The following USP30 variants were observed in gnomAD, a reference collection of about 807,000 sequenced individuals.
USP30 encodes ubiquitin carboxyl-terminal hydrolase 30.
USP30 carries 41 observed loss-of-function variants against 68.2 expected under a neutral mutation model. The ratio of observed to expected loss-of-function variants is 0.60; its 90% CI spans 0.47 to 0.78. The LOEUF is 0.78. Ranked by LOEUF, USP30 falls within the 30% of genes least tolerant of loss-of-function variation. The pLI is 0.00. For synonymous variants in USP30, 229 were observed against 253.7 expected (o/e 0.90, Z 0.93); for missense variants, 522 against 649.4 (o/e 0.80, Z 2.13).
chr12:109,048,205 C>G (rs2040623112), upstream of USP30, among the ~76,000 whole-genome samples: 1 of 151,782 alleles, frequency 6.6e-6, no homozygotes, highest in South Asian at 2.1e-4. Flanking sequence ...CCCACCTCAG[C>G]CTCCCAAGTA....
chr12:109,088,012 G>T lies in USP30; in HGVS notation c.*2081G>T, dbSNP rs1004490805. On this transcript the variant is annotated 3_prime_UTR_variant, in exon 13 of 13. Transcript: ENST00000257548. The surrounding 1 kb of genome is among the most constrained non-coding windows in gnomAD (Gnocchi z 4.2). The stretch of plus-strand genomic sequence containing the variant: ...ATTATAGCAATAAAATAATCATTTT[G>T]TTAGAAAAAAATCACCTGGTGTTCT... 43 of 494,260 alleles carry T rather than the reference G, an allele frequency of 8.7e-5. No individual in the cohort carries two copies. The highest frequency in any genetic ancestry group is 7.3e-4 in the African/African-American group (38 of 51,754). 30.6% of individuals were successfully genotyped at this position (494,260 alleles called of 1,614,324 possible).
At chr12:109,028,399 T>C (rs1321032207) in intron 3 of USP30, among the ~76,000 whole-genome samples, 1 of 151,650 alleles carries the variant, frequency 6.6e-6, no homozygotes, top group East Asian at 1.9e-4. Context: ...AAGCTTAGAG[T>C]CATGATGGAA....
At chr12:109,067,652 T>A in intron 4 of USP30, 25 bp downstream of exon 4, 2 of 1,602,156 alleles carry the variant, frequency 1.2e-6, no homozygotes, top group Non-Finnish European at 1.7e-6. Context: ...TGAACAGGTT[T>A]AGCTTGGAGA....
intron 3 of USP30, among the ~76,000 whole-genome samples, chr12:109,028,155 G>A (rs1243651182): frequency 6.6e-6 from 1 of 152,136 alleles, no homozygotes; most frequent in African/African-American, 2.4e-5. Flanking sequence ...TTGGCCACTG[G>A]CATATCTTCC....
In USP30 at chr12:109,086,207, G is replaced by T. The variant is rs1307613141; in HGVS notation, c.*276G>T. On this transcript the variant is annotated 3_prime_UTR_variant, in exon 13 of 13. Transcript: ENST00000257548. ...ACTCATCTGATACAGGTAATTAAAA[G>T]AACTCAGATTCTTGAAGCCACCGTT... 6 of 349,292 alleles carry T rather than the reference G, an allele frequency of 1.7e-5. No individual in the cohort carries two copies. Among genetic ancestry groups the T allele is most frequent in the Admixed American group, 4.3e-5 (1 of 23,378 alleles). 21.6% of individuals were successfully genotyped at this position (349,292 alleles called of 1,614,324 possible). A position where few individuals can be genotyped will look rare whatever the true frequency, so the allele number is the denominator to read the frequency against.
chr12:109,055,056 C>G (rs2040800300), intron 1 of USP30, among the ~76,000 whole-genome samples: 1 of 151,800 alleles, frequency 6.6e-6, no homozygotes. Flanking sequence ...GCATGTGTAA[C>G]ATATATGCAG....
chr12:109,072,882 C>T (rs2041488616), intron 6 of USP30, among the ~76,000 whole-genome samples: 1 of 152,152 alleles, frequency 6.6e-6, no homozygotes, highest in Admixed American at 6.5e-5. Context: ...GGGATAATAA[C>T]TATCCCAATT....
intron 7 of USP30, among the ~76,000 whole-genome samples, chr12:109,079,377 T>G (rs1566103703): frequency 1.3e-4 from 18 of 137,892 alleles, no homozygotes; most frequent in African/African-American, 5.0e-4. Context: ...TTTTTTTTTT[T>G]TTGTGACAGG....
chr12:109,035,517 C>T (rs536793359), intron 3 of USP30, among the ~76,000 whole-genome samples: 6 of 152,212 alleles, frequency 3.9e-5, no homozygotes, highest in African/African-American at 1.4e-4. Context: ...GCATGTGCCA[C>T]CATGCCCAGC....
rs561387090 is a variant in USP30 at position 109,086,155 on chromosome 12, C to G, written c.*224C>G. On this transcript the variant is annotated 3_prime_UTR_variant, in exon 13 of 13. Transcript: ENST00000257548. The stretch of plus-strand genomic sequence containing the variant: ...AGGTGGTTCTGTTGTGTTAAGAAAG[C>G]ATTCATTATGTCCGGAGTGTCTTTT... 1.8e-6 allele frequency: 1 copy of G among 558,134 alleles called. No individual in the cohort carries two copies. The highest frequency in any genetic ancestry group is 1.9e-5 in the African/African-American group (1 of 53,610). The allele number at this position is 558,134 out of a possible 1,614,324, so 34.6% of individuals were successfully genotyped here. A position where few individuals can be genotyped will look rare whatever the true frequency, so the allele number is the denominator to read the frequency against.
At position 109,071,749 on chromosome 12, in the gene USP30, G is replaced by T. The variant is rs760239998; in HGVS notation, c.579+39G>T. 5.1e-6 allele frequency: 8 copies of T among 1,570,992 alleles called. No individual in the cohort carries two copies. The African/African-American group carries it at 5.4e-5, about 11-fold the overall frequency. On this transcript the variant is annotated intron_variant, in intron 5 of 12. Coordinates refer to ENST00000257548, the MANE Select transcript of USP30 (RefSeq NM_032663.5). ...ATTTCCAACACGTTCTGTGCAGCTTGTGCATATTTAATAAGTATAGGGGAG... is the reference window on the plus strand; with the variant it reads ...ATTTCCAACACGTTCTGTGCAGCTTTTGCATATTTAATAAGTATAGGGGAG...
chr12:109,051,663 C>T (rs2040676553), upstream of USP30, among the ~76,000 whole-genome samples: 1 of 149,128 alleles, frequency 6.7e-6, no homozygotes, highest in Non-Finnish European at 1.5e-5. Flanking sequence ...TCCACCACCA[C>T]GGTTCAAGCA....
intron 1 of USP30, among the ~76,000 whole-genome samples, chr12:109,054,351 T>C (rs950432547): frequency 5.3e-5 from 8 of 151,822 alleles, no homozygotes; most frequent in African/African-American, 1.7e-4. Flanking sequence ...TGAGACCCTG[T>C]CTCTACAAAA....
At chr12:109,039,153 A>G (rs776070618) in intron 3 of USP30, among the ~76,000 whole-genome samples, 7 of 144,652 alleles carry the variant, frequency 4.8e-5, no homozygotes, top group Admixed American at 2.1e-4. Flanking sequence ...TTTGTGATCT[A>G]TCTATGAAAT....
chr12:109,064,824 C>A (rs1046209853), intron 3 of USP30, among the ~76,000 whole-genome samples: 1 of 150,406 alleles, frequency 6.6e-6, no homozygotes, highest in African/African-American at 2.5e-5. Context: ...GTATTTTAGA[C>A]AAAGTTGGGT....
upstream of USP30, among the ~76,000 whole-genome samples, chr12:109,048,219 G>A (rs974485196): frequency 6.6e-6 from 1 of 151,556 alleles, no homozygotes; most frequent in Non-Finnish European, 1.5e-5. Flanking sequence ...CCAAGTAGCT[G>A]GGACTAGAGG....
intron 2 of USP30, 91 bp downstream of exon 2, chr12:109,056,882 A>G (rs1293149302): frequency 1.5e-5 from 12 of 823,468 alleles, no homozygotes; most frequent in Non-Finnish European, 2.0e-5. Context: ...GAGGTTGGTC[A>G]TATTTGTTCT....
Position 109,070,777 on chromosome 12 carries a change from C to T in USP30, c.481-835C>T, listed in dbSNP as rs1328179925. On this transcript the variant is annotated intron_variant, in intron 4 of 12. Transcript: ENST00000257548. This position sits in a 1 kb window ranked among gnomAD's most constrained non-coding sequence, Gnocchi z 4.0. ...CCCATGCCATTGGATCCAGCAACCC[C>T]GCTGCTGGGTACAAACCAAAAGAAT... Among the ~76,000 whole-genome samples, 3 of 152,048 alleles carry T rather than the reference C, an allele frequency of 2.0e-5. No individual in the cohort carries two copies. Among genetic ancestry groups the T allele is most frequent in the Non-Finnish European group, 2.9e-5 (2 of 68,018 alleles).
At chr12:109,029,261 T>C (rs1019191068) in intron 3 of USP30, among the ~76,000 whole-genome samples, 7 of 152,218 alleles carry the variant, frequency 4.6e-5, no homozygotes, top group Non-Finnish European at 8.8e-5. Context: ...GTGGTTCAAC[T>C]GTCAAAGACA....
Sources: allele counts gnomAD v4.1 joint callset (sites outside exome capture counted in the v4.1 genomes callset), GRCh38; gene constraint gnomAD v4.1.1; non-coding constraint Gnocchi (gnomAD v3.1); transcripts MANE v1.5; gene names NCBI Gene and HGNC (gene_info 2026-07-23, HGNC 2026-07-21).